The following PEX14 variants were observed in gnomAD, a reference collection of about 807,000 sequenced individuals.
PEX14 encodes peroxisomal membrane protein PEX14.
PEX14 carries 15 observed loss-of-function variants against 49.5 expected under a neutral mutation model. The ratio of observed to expected loss-of-function variants is 0.30; its 90% CI spans 0.20 to 0.47. The LOEUF is 0.47. Ranked by LOEUF, PEX14 falls within the 20% of genes least tolerant of loss-of-function variation. The pLI is 1.00. For synonymous variants in PEX14, 210 were observed against 212.7 expected (o/e 0.99, Z 0.11); for missense variants, 398 against 494.8 (o/e 0.80, Z 1.86).
chr1:10,623,434 G>A lies in PEX14; in HGVS notation c.487+313G>A. The stretch of plus-strand genomic sequence containing the variant: ...CATTTTTAATTTCTGCTTCTATGAG[G>A]TTTTCAGGGGGGTTTTCAGTGATTT... On this transcript the variant is annotated intron_variant, in intron 6 of 8. Transcript: ENST00000356607. This position sits in a 1 kb window ranked among gnomAD's most constrained non-coding sequence, Gnocchi z 4.4. 2.7e-6 allele frequency: 1 copy of A among 369,774 alleles called. No individual in the cohort carries two copies. 22.9% of individuals were successfully genotyped at this position (369,774 alleles called of 1,614,324 possible).
Position 10,613,785 on chromosome 1 carries a change from A to G in PEX14, c.299-4547A>G, listed in dbSNP as rs181603800. On this transcript the variant is annotated intron_variant, in intron 4 of 8. Transcript: ENST00000356607. The surrounding 1 kb of genome is among the most constrained non-coding windows in gnomAD (Gnocchi z 5.0). ...TGGAACCCCCCTGGCTGGTGGTGGC[A>G]TGAGGGTTTCTGACCCCAGGCTTGT... Among the ~76,000 whole-genome samples, 38 of 152,348 alleles carry G rather than the reference A, an allele frequency of 2.5e-4. No homozygotes were observed. The highest frequency in any genetic ancestry group is 8.9e-4 in the African/African-American group (37 of 41,578).
At chr1:10,524,179 G>T (rs1254473441) in intron 2 of PEX14, among the ~76,000 whole-genome samples, 1 of 152,068 alleles carries the variant, frequency 6.6e-6, no homozygotes, top group Non-Finnish European at 1.5e-5. Context: ...ATAACTCCAT[G>T]TCCATGTGTT....
intron 2 of PEX14, among the ~76,000 whole-genome samples, chr1:10,518,517 C>CA (rs1251426989): frequency 3.9e-5 from 6 of 152,196 alleles, no homozygotes; most frequent in Admixed American, 1.3e-4. Context: ...TCTTTTCTTA[C>CA]ATTCTTGTAG....
chr1:10,564,473 C>T (rs769520358), intron 3 of PEX14, among the ~76,000 whole-genome samples: 3 of 150,602 alleles, frequency 2.0e-5, no homozygotes, highest in African/African-American at 7.3e-5. Flanking sequence ...GTCTCACTCT[C>T]TTGCCCAGAC....
intron 5 of PEX14, among the ~76,000 whole-genome samples, chr1:10,618,786 C>T (rs284235): frequency 0.2 from 30,241 of 152,168 alleles, 3,691 homozygotes; most frequent in African/African-American, 0.34. Context: ...AGAGCATGGA[C>T]GCTGGGCCAG....
At chr1:10,531,558 A>G (rs890519069) in intron 2 of PEX14, among the ~76,000 whole-genome samples, 25 of 152,008 alleles carry the variant, frequency 1.6e-4, no homozygotes, top group African/African-American at 5.3e-4. Context: ...CGGCGCTGGA[A>G]TGGGGTTTCG....
At chr1:10,532,059 G>A (rs993917187) in intron 2 of PEX14, among the ~76,000 whole-genome samples, 12 of 152,164 alleles carry the variant, frequency 7.9e-5, no homozygotes, top group African/African-American at 2.9e-4. Context: ...TAACCCCTGA[G>A]TATACTGTAT....
intron 1 of PEX14, among the ~76,000 whole-genome samples, chr1:10,489,493 T>G (rs1557807774): frequency 6.6e-6 from 1 of 152,228 alleles, no homozygotes; most frequent in Non-Finnish European, 1.5e-5. Context: ...TGGTCTCTCC[T>G]GAATGCCCTG....
intron 8 of PEX14, 80 bp downstream of exon 8, chr1:10,627,443 G>C: frequency 4.0e-6 from 4 of 994,108 alleles, no homozygotes; most frequent in Non-Finnish European, 6.5e-6. Context: ...GGAGGGGCAT[G>C]ACGCCCACCC....
At chr1:10,546,683 C>G (rs567738628) in intron 3 of PEX14, among the ~76,000 whole-genome samples, 2 of 150,112 alleles carry the variant, frequency 1.3e-5, no homozygotes, top group Non-Finnish European at 3.0e-5. Context: ...TGGCCAACAC[C>G]GTGAAAACCT....
At chr1:10,627,867 A>G (rs1221677613) in intron 8 of PEX14, among the ~76,000 whole-genome samples, 2 of 152,230 alleles carry the variant, frequency 1.3e-5, no homozygotes, top group South Asian at 2.1e-4. Context: ...ATTGTCACCA[A>G]TGCAGCCTCA....
intron 3 of PEX14, among the ~76,000 whole-genome samples, chr1:10,555,973 G>A (rs966213403): frequency 2.6e-5 from 4 of 152,216 alleles, no homozygotes; most frequent in East Asian, 3.9e-4. Flanking sequence ...TGTCCTTGGC[G>A]CAGGCACTGC....
In PEX14 at chr1:10,594,307, G is replaced by T. The variant is rs1219113810; in HGVS notation, c.170-4931G>T. ...CTCATCTCCTCCCAGAGTGTGCCGGGGCAGATAACTTAGTTGTTCTGAGAG... is the reference window on the plus strand; with the variant it reads ...CTCATCTCCTCCCAGAGTGTGCCGGTGCAGATAACTTAGTTGTTCTGAGAG... On this transcript the variant is annotated intron_variant, in intron 3 of 8. Transcript: ENST00000356607. Among the ~76,000 whole-genome samples the T allele has an allele frequency of 3.9e-5, 6 of 152,136 alleles. No individual in the cohort carries two copies. In the South Asian group the frequency reaches 1.2e-3, roughly 32 times the overall value.
intron 7 of PEX14, among the ~76,000 whole-genome samples, chr1:10,627,041 C>T (rs924060293): frequency 4.6e-5 from 7 of 152,218 alleles, no homozygotes; most frequent in African/African-American, 1.2e-4. Flanking sequence ...CCTAAAAACA[C>T]GTAATGATTC....
chr1:10,557,454 C>T (rs528934237), intron 3 of PEX14, among the ~76,000 whole-genome samples: 71 of 152,248 alleles, frequency 4.7e-4, no homozygotes, highest in Non-Finnish European at 8.1e-4. Flanking sequence ...GCTGTGGTGG[C>T]GGGCGCCTGT....
chr1:10,503,613 G>C (rs952643358), intron 2 of PEX14, among the ~76,000 whole-genome samples: 1 of 150,786 alleles, frequency 6.6e-6, no homozygotes, highest in Non-Finnish European at 1.5e-5. Flanking sequence ...CTAAAGCATA[G>C]GTATTCCATG....
Position 10,597,522 on chromosome 1 carries a change from G to A in PEX14, c.170-1716G>A, listed in dbSNP as rs565962598. Reference sequence around the variant, plus strand: ...CTTGGAAGGTGAAATTATGGGTAAAGCAGTCCCTTTGCAGCAAGCACCCCC... The same window carrying A: ...CTTGGAAGGTGAAATTATGGGTAAAACAGTCCCTTTGCAGCAAGCACCCCC... On this transcript the variant is annotated intron_variant, in intron 3 of 8. Coordinates refer to ENST00000356607, the MANE Select transcript of PEX14 (RefSeq NM_004565.3). The surrounding 1 kb of genome is among the most constrained non-coding windows in gnomAD (Gnocchi z 5.7). 2.0e-5 allele frequency among the ~76,000 whole-genome samples: 3 copies of A among 152,288 alleles called. No individual in the cohort carries two copies. In the South Asian group the frequency reaches 6.2e-4, roughly 32 times the overall value.
At chr1:10,516,140 ATT>A (rs771391668) in intron 2 of PEX14, among the ~76,000 whole-genome samples, 22 of 152,352 alleles carry the variant, frequency 1.4e-4, no homozygotes, top group Non-Finnish European at 2.6e-4. Context: ...ATCTAATTCA[ATT>A]TTTGACATCT....
intron 2 of PEX14, among the ~76,000 whole-genome samples, chr1:10,501,693 T>C (rs1641683924): frequency 6.6e-6 from 1 of 151,988 alleles, no homozygotes; most frequent in South Asian, 2.1e-4. Flanking sequence ...GGCGGGAGGA[T>C]TGCTTGAGTT....
Sources: gnomAD v4.1 joint callset for allele counts (sites outside exome capture counted in the v4.1 genomes callset) on GRCh38, gnomAD v4.1.1 for gene constraint, Gnocchi (gnomAD v3.1) non-coding constraint, MANE v1.5 for transcripts, NCBI Gene and HGNC (gene_info 2026-07-23, HGNC 2026-07-21) for gene names.